The following TNKS variants were observed in gnomAD, a reference collection of about 807,000 sequenced individuals.
TNKS encodes tankyrase, also known as poly [ADP-ribose] polymerase tankyrase-1.
Under a neutral mutation model 135.8 loss-of-function variants are expected in TNKS, and 72 were observed. The ratio of observed to expected loss-of-function variants is 0.53; its 90% CI spans 0.44 to 0.64. The LOEUF (loss-of-function observed/expected upper bound fraction) is 0.64. Among genes scored for constraint, TNKS ranks in the 30% least tolerant of loss-of-function variants. The probability of loss-of-function intolerance (pLI) is 0.00; values close to 1 mark genes in which losing one functional copy is unlikely to be tolerated. For missense variants in TNKS, 1,769 were observed against 1,674.0 expected (o/e 1.06, Z -0.99); for synonymous variants, 849 against 649.3 (o/e 1.31, Z -4.68).
At chr8:9,579,737 G>T (rs1381653209) in intron 1 of TNKS, among the ~76,000 whole-genome samples, 1 of 152,172 alleles carries the variant, frequency 6.6e-6, no homozygotes, top group African/African-American at 2.4e-5. Context: ...ACACAGTGCT[G>T]TGAGGGTGTG....
At chr8:9,570,043 A>T (rs755447854) in intron 1 of TNKS, among the ~76,000 whole-genome samples, 9 of 152,062 alleles carry the variant, frequency 5.9e-5, no homozygotes, top group Non-Finnish European at 8.8e-5. Flanking sequence ...GACATTTTAC[A>T]CCTTAATCTA....
At chr8:9,716,772 T>C (rs185191078) in intron 11 of TNKS, among the ~76,000 whole-genome samples, 12 of 152,086 alleles carry the variant, frequency 7.9e-5, no homozygotes, top group African/African-American at 2.2e-4. Context: ...ATCTGGTTCA[T>C]TCTTCTTTCT....
chr8:9,591,322 T>C (rs1005063111), intron 2 of TNKS, among the ~76,000 whole-genome samples: 2 of 152,206 alleles, frequency 1.3e-5, no homozygotes. Context: ...GTATGGTGTT[T>C]CATTGTATGG....
intron 11 of TNKS, among the ~76,000 whole-genome samples, chr8:9,711,675 C>T (rs896396216): frequency 6.6e-6 from 1 of 151,860 alleles, no homozygotes; most frequent in Non-Finnish European, 1.5e-5. Flanking sequence ...ATGTAGATAC[C>T]CTTTAAAAAG....
At chr8:9,568,652 GAGAT>G (rs1157468973) in intron 1 of TNKS, among the ~76,000 whole-genome samples, 1 of 152,158 alleles carries the variant, frequency 6.6e-6, no homozygotes. Context: ...GGCTTAAAAA[GAGAT>G]AGCTAATTCT....
intron 1 of TNKS, among the ~76,000 whole-genome samples, chr8:9,574,515 C>G (rs186701499): frequency 1.4e-4 from 22 of 152,320 alleles, no homozygotes; most frequent in African/African-American, 5.3e-4. Context: ...CTGTTTTTCA[C>G]ATAGCTGACA....
At chr8:9,720,698 G>T (rs35468013) in intron 12 of TNKS, among the ~76,000 whole-genome samples, 153 bp downstream of exon 12, 22,976 of 152,078 alleles carry the variant, frequency 0.15, 2,047 homozygotes, top group East Asian at 0.2. Context: ...TCCCTTTTTT[G>T]GTAGGGTAAG....
rs73533216 is a variant in TNKS, at chr8:9,751,015, T to G, written c.2833-594T>G. On this transcript the variant is annotated intron_variant, in intron 18 of 26. Coordinates refer to ENST00000310430, the MANE Select transcript of TNKS (RefSeq NM_003747.3). ...TCAAAAGCCTCAGAATGTCACTTCT[T>G]CTCCATTCTATTGGTCAAGACAACT... is the stretch of plus-strand genomic sequence containing the variant. Among the ~76,000 whole-genome samples, 567 of 152,288 alleles carry G rather than the reference T, an allele frequency of 3.7e-3. 6 individuals carry two copies. The highest frequency in any genetic ancestry group is 0.013 in the African/African-American group (523 of 41,560).
Position 9,573,025 on chromosome 8 carries a change from G to GT in TNKS, c.674-7132dup, listed in dbSNP as rs201694573. Among the ~76,000 whole-genome samples the GT allele has an allele frequency of 3.4e-3, 480 of 141,154 alleles. 1 individual carries two copies. The highest frequency in any genetic ancestry group is 0.012 in the African/African-American group (451 of 37,558). 92.6% of individuals were successfully genotyped at this position (141,154 alleles called of 152,430 possible). ...TTAAGATAGGGAAAGTAATATTTAT[G>GT]TTATATGTATATATATATATATAGC... On this transcript the variant is annotated intron_variant, in intron 1 of 26. Transcript: ENST00000310430.
intron 5 of TNKS, among the ~76,000 whole-genome samples, chr8:9,704,247 T>A (rs1803948731): frequency 6.6e-6 from 1 of 152,138 alleles, no homozygotes; most frequent in Admixed American, 6.6e-5. Context: ...TTAGATAAAG[T>A]TTTATGGTAG....
chr8:9,661,154 C>T (rs1435301823), intron 3 of TNKS, among the ~76,000 whole-genome samples: 1 of 151,974 alleles, frequency 6.6e-6, no homozygotes, highest in Non-Finnish European at 1.5e-5. Context: ...AATGGCCATA[C>T]TGCCCAAGGT....
At chr8:9,751,882 C>G (rs1202844269) in intron 19 of TNKS, 36 bp downstream of exon 19, 1 of 1,589,086 alleles carries the variant, frequency 6.3e-7, no homozygotes, top group Non-Finnish European at 8.6e-7. Context: ...TTATTTATAC[C>G]TTTTGTTAGT....
chr8:9,659,280 A>C (rs1801580113), intron 3 of TNKS, among the ~76,000 whole-genome samples: 2 of 152,206 alleles, frequency 1.3e-5, no homozygotes, highest in African/African-American at 2.4e-5. Context: ...AACAGAATAT[A>C]CGTTCTTTTC....
chr8:9,686,368 G>C (rs75465360), intron 5 of TNKS, among the ~76,000 whole-genome samples: 1 of 152,082 alleles, frequency 6.6e-6, no homozygotes, highest in Non-Finnish European at 1.5e-5. Context: ...CTGAGTTCCC[G>C]ATCCATCTTT....
At position 9,777,924 on chromosome 8, in the gene TNKS, T is replaced by C. The variant is rs186560907; in HGVS notation, c.*1188T>C. ...TGTTTACTCCAGATTTGGGGTTTAT[T>C]TTGAGTGGCATGCTTCAAATAGTTC... On this transcript the variant is annotated 3_prime_UTR_variant, in exon 27 of 27. Coordinates refer to ENST00000310430, the MANE Select transcript of TNKS (RefSeq NM_003747.3). 1 of 152,742 alleles carries C rather than the reference T, an allele frequency of 6.5e-6. No homozygotes were observed. The highest frequency in any genetic ancestry group is 1.9e-4 in the East Asian group (1 of 5,188). The allele number at this position is 152,742 out of a possible 1,614,324, so 9.5% of individuals were successfully genotyped here. A position where few individuals can be genotyped will look rare whatever the true frequency, so the allele number is the denominator to read the frequency against.
chr8:9,556,125 C>T lies in TNKS; in HGVS notation c.186C>T (p.Gly62=). ...CCCCCTTCGCCTCCCCGCGGCACGG[C>T]CTAGCGCTGCCGGAGGGGGATGGCA... The part of the protein sequence containing the change: ...GLAPFASPRH[G]LALPEGDGSR... Residue 62 remains glycine (G), a synonymous_variant, in exon 1 of 27, where the codon GGC becomes GGT. Coordinates refer to ENST00000310430, the MANE Select transcript of TNKS (RefSeq NM_003747.3). 12 of 1,604,592 alleles carry T rather than the reference C, an allele frequency of 7.5e-6. No individual in the cohort carries two copies. Among genetic ancestry groups the T allele is most frequent in the Non-Finnish European group, 1.0e-5 (12 of 1,175,984 alleles).
At chr8:9,688,596 A>G (rs1292233412) in intron 5 of TNKS, among the ~76,000 whole-genome samples, 3 of 152,118 alleles carry the variant, frequency 2.0e-5, no homozygotes, top group Non-Finnish European at 4.4e-5. Context: ...AGGTTCCAGC[A>G]TGGTCAGATG....
At chr8:9,561,485 C>T (rs972446132) in intron 1 of TNKS, among the ~76,000 whole-genome samples, 14 of 152,140 alleles carry the variant, frequency 9.2e-5, no homozygotes, top group Non-Finnish European at 1.8e-4. Context: ...TTTAGTCTTT[C>T]TGTAAGACTT....
In TNKS at chr8:9,642,583, A is replaced by G. The variant is rs1800766943; in HGVS notation, c.994+26906A>G. On this transcript the variant is annotated intron_variant, in intron 3 of 26. Coordinates refer to ENST00000310430, the MANE Select transcript of TNKS (RefSeq NM_003747.3). ...TACATAATTTGTTAGACTTTTTCAT[A>G]ATGTTTTAAAGTAAATCTTTCAGTG... Among the ~76,000 whole-genome samples the G allele has an allele frequency of 3.4e-5, 5 of 146,470 alleles. 2 individuals are homozygous for G. In the Admixed American group the frequency reaches 3.6e-4, roughly 10 times the overall value.
Sources: allele counts gnomAD v4.1 joint callset (sites outside exome capture counted in the v4.1 genomes callset), GRCh38; gene constraint gnomAD v4.1.1; transcripts MANE v1.5; gene names NCBI Gene and HGNC (gene_info 2026-07-23, HGNC 2026-07-21).